TSC22D1: variants seen among roughly 807,000 people sequenced by gnomAD.
TSC22D1 encodes TSC22 domain family member 1, also known as TSC22 domain family protein 1.
TSC22D1 carries 9 observed loss-of-function variants against 74.2 expected under a neutral mutation model. The observed-to-expected ratio is 0.12, with a 90% CI of 0.07 to 0.21. The LOEUF (loss-of-function observed/expected upper bound fraction) is 0.21, where lower values mean the gene tolerates loss of function less well. Ranked by LOEUF, TSC22D1 falls within the 10% of genes least tolerant of loss-of-function variation. TSC22D1 has a pLI of 1.00. For missense variants in TSC22D1, 1,427 were observed against 1,304.7 expected (o/e 1.09, Z -1.44); for synonymous variants, 586 against 492.5 (o/e 1.19, Z -2.51).
At chr13:44,511,293 C>A (rs917709942) in intron 1 of TSC22D1, among the ~76,000 whole-genome samples, 8 of 151,884 alleles carry the variant, frequency 5.3e-5, no homozygotes, top group East Asian at 1.9e-4. Context: ...CAAAAAAAAA[C>A]CAAAAAAAAT....
intron 1 of TSC22D1, among the ~76,000 whole-genome samples, chr13:44,531,753 T>A (rs747544320): frequency 9.9e-5 from 15 of 152,154 alleles, no homozygotes; most frequent in Non-Finnish European, 1.9e-4. Context: ...GAATGATAAA[T>A]ATTTTAAATG....
intron 1 of TSC22D1, among the ~76,000 whole-genome samples, chr13:44,453,867 TTTAC>T (rs761905105): frequency 5.9e-5 from 9 of 152,236 alleles, no homozygotes; most frequent in Non-Finnish European, 1.2e-4. Context: ...ATGCTTCAAT[TTTAC>T]TTAATGATTT....
chr13:44,459,788 C>T (rs1330353635), intron 1 of TSC22D1, among the ~76,000 whole-genome samples: 1 of 152,212 alleles, frequency 6.6e-6, no homozygotes, highest in African/African-American at 2.4e-5. Context: ...CAGCCTTGCA[C>T]AGAGCCGGCG....
At chr13:44,534,645 T>C (rs750368308) in intron 1 of TSC22D1, among the ~76,000 whole-genome samples, 9 of 152,298 alleles carry the variant, frequency 5.9e-5, no homozygotes, top group Non-Finnish European at 1.0e-4. Context: ...CTCCTGTCAA[T>C]TATTTTATAT....
intron 1 of TSC22D1, among the ~76,000 whole-genome samples, chr13:44,500,076 G>A (rs7322132): frequency 0.12 from 16,995 of 140,570 alleles, 1,011 homozygotes; most frequent in Non-Finnish European, 0.13. Context: ...TGACAAGAGC[G>A]AAAGCCCGTC....
At chr13:44,563,573 T>C (rs907413407) in intron 1 of TSC22D1, among the ~76,000 whole-genome samples, 1 of 152,198 alleles carries the variant, frequency 6.6e-6, no homozygotes, top group Non-Finnish European at 1.5e-5. Context: ...AATCCAACTG[T>C]TGCCTTACTG....
At chr13:44,466,317 C>A (rs1253120778) in intron 1 of TSC22D1, among the ~76,000 whole-genome samples, 2 of 152,154 alleles carry the variant, frequency 1.3e-5, no homozygotes, top group Non-Finnish European at 2.9e-5. Context: ...ATAGCACGTA[C>A]CATTTTAAAA....
intron 1 of TSC22D1, among the ~76,000 whole-genome samples, chr13:44,518,386 T>C (rs995476084): frequency 6.6e-6 from 1 of 152,170 alleles, no homozygotes; most frequent in Non-Finnish European, 1.5e-5. Flanking sequence ...TTATAGTATC[T>C]AGCTAGCAAA....
intron 1 of TSC22D1, among the ~76,000 whole-genome samples, chr13:44,565,476 G>A (rs757984942): frequency 6.6e-6 from 1 of 152,040 alleles, no homozygotes; most frequent in Non-Finnish European, 1.5e-5. Context: ...GAATATATGT[G>A]AGACTAGGAA....
chr13:44,547,950 C>CATT (rs1371974756), intron 1 of TSC22D1, among the ~76,000 whole-genome samples: 1 of 152,092 alleles, frequency 6.6e-6, no homozygotes, highest in Non-Finnish European at 1.5e-5. Context: ...CCACTGTGTG[C>CATT]ATTATTATTA....
intron 1 of TSC22D1, chr13:44,452,723 G>A (rs560612128): frequency 6.5e-6 from 1 of 153,392 alleles, no homozygotes; most frequent in East Asian, 1.9e-4. Flanking sequence ...GGAACAGCCA[G>A]GAGCCCCAGT....
At position 44,434,214 on chromosome 13, in the gene TSC22D1, A is replaced by G. The variant is rs1874318745; in HGVS notation, c.*412T>C. The G allele has an allele frequency of 2.8e-6, 4 of 1,438,312 alleles. No homozygotes were observed. The highest frequency in any genetic ancestry group is 3.6e-6 in the Non-Finnish European group (4 of 1,110,390). The allele number at this position is 1,438,312 out of a possible 1,614,324, so 89.1% of individuals were successfully genotyped here. On this transcript the variant is annotated 3_prime_UTR_variant, in exon 3 of 3. Transcript: ENST00000458659. The stretch of plus-strand genomic sequence containing the variant: ...TCCTCCTGGGGGGAGGAGAGGAGAG[A>G]GGCGAGTCCAGTGAGGAGCTCCATC...
intron 1 of TSC22D1, chr13:44,539,836 T>C (rs150852276): frequency 7.8e-7 from 1 of 1,289,618 alleles, no homozygotes; most frequent in Non-Finnish European, 1.0e-6. Flanking sequence ...GTGGAGAAAG[T>C]GGACCCCTGA....
intron 1 of TSC22D1, among the ~76,000 whole-genome samples, chr13:44,456,112 A>C (rs1011812126): frequency 1.3e-5 from 2 of 152,202 alleles, no homozygotes; most frequent in African/African-American, 2.4e-5. Context: ...TCGCTGACTT[A>C]AAGAATAAAG....
intron 1 of TSC22D1, chr13:44,538,600 G>C: frequency 1.0e-6 from 1 of 985,226 alleles, no homozygotes; most frequent in Non-Finnish European, 1.2e-6. Flanking sequence ...TGAATAGAAA[G>C]AAATATTTTC....
At chr13:44,543,044 T>C (rs1338378837) in intron 1 of TSC22D1, among the ~76,000 whole-genome samples, 1 of 152,176 alleles carries the variant, frequency 6.6e-6, no homozygotes, top group Non-Finnish European at 1.5e-5. Context: ...ATGGCTGTTA[T>C]AGATCTATTA....
At chr13:44,510,557 C>A (rs1278619622) in intron 1 of TSC22D1, among the ~76,000 whole-genome samples, 1 of 152,078 alleles carries the variant, frequency 6.6e-6, no homozygotes, top group African/African-American at 2.4e-5. Context: ...GAACATCAGG[C>A]AATAAGAATA....
intron 1 of TSC22D1, among the ~76,000 whole-genome samples, chr13:44,457,747 A>C (rs1455147541): frequency 6.6e-6 from 1 of 151,932 alleles, no homozygotes; most frequent in African/African-American, 2.4e-5. Context: ...CTTTTGTGCT[A>C]GCAGTGGCTG....
rs117685773 is a variant in TSC22D1 at position 44,573,128 on chromosome 13, T to C, written c.2912+35A>G. On this transcript the variant is annotated intron_variant, in intron 1 of 2. Coordinates refer to ENST00000458659, the MANE Select transcript of TSC22D1 (RefSeq NM_183422.4). ...CTACTAAATAGATTAACTTCAAATCTGTTGAATGTCTCCAGAAATATGACA... is the reference window on the plus strand; with the variant it reads ...CTACTAAATAGATTAACTTCAAATCCGTTGAATGTCTCCAGAAATATGACA... 1.1e-3 allele frequency: 1,690 copies of C among 1,597,022 alleles called. 46 individuals carry two copies. In the East Asian group the frequency reaches 0.037, roughly 35 times the overall value.
Sources: gnomAD v4.1 joint callset for allele counts (sites outside exome capture counted in the v4.1 genomes callset) on GRCh38, gnomAD v4.1.1 for gene constraint, MANE v1.5 for transcripts, NCBI Gene and HGNC (gene_info 2026-07-23, HGNC 2026-07-21) for gene names.